The following SWAP70 variants were observed in gnomAD, a reference collection of about 807,000 sequenced individuals.
SWAP70 encodes switch-associated protein 70.
A neutral mutation model predicts 80.2 loss-of-function variants in SWAP70; 34 were observed. That is an observed-to-expected ratio of 0.42 (90% confidence interval 0.32 to 0.56). The LOEUF (loss-of-function observed/expected upper bound fraction) is 0.56. Among genes scored for constraint, SWAP70 ranks in the 20% least tolerant of loss-of-function variants. The pLI is 0.09. For missense variants in SWAP70, 578 were observed against 690.7 expected, an observed-to-expected ratio of 0.84 and a Z score of 1.83; for synonymous variants, 239 against 238.5, an observed-to-expected ratio of 1.00 and a Z score of -0.02.
intron 3 of SWAP70, among the ~76,000 whole-genome samples, chr11:9,722,438 G>A (rs1201924844): frequency 1.3e-5 from 2 of 152,232 alleles, no homozygotes; most frequent in Non-Finnish European, 2.9e-5. Context: ...GGTCAGAGCA[G>A]GTTTGCTAAA....
intron 5 of SWAP70, 50 bp from the exon 6 acceptor site, chr11:9,729,293 T>A: frequency 9.0e-7 from 1 of 1,106,992 alleles, no homozygotes; most frequent in Non-Finnish European, 1.3e-6. Flanking sequence ...AAATTGAATT[T>A]CATTTAAATA....
At chr11:9,700,755 G>T (rs1271206523) in intron 2 of SWAP70, among the ~76,000 whole-genome samples, 1 of 152,116 alleles carries the variant, frequency 6.6e-6, no homozygotes, top group Non-Finnish European at 1.5e-5. Flanking sequence ...TTGGATACAT[G>T]GGGGAAATAT....
At chr11:9,737,489 G>T (rs754013591) in intron 7 of SWAP70, among the ~76,000 whole-genome samples, 1 of 152,060 alleles carries the variant, frequency 6.6e-6, no homozygotes, top group African/African-American at 2.4e-5. Context: ...TTGGGGAAAG[G>T]GTCTGTGGAG....
At chr11:9,713,349 G>C in intron 2 of SWAP70, 117 bp from the exon 3 acceptor site, 1 of 1,029,162 alleles carries the variant, frequency 9.7e-7, no homozygotes, top group Non-Finnish European at 1.4e-6. Flanking sequence ...TATGGCTGTT[G>C]GTTAATTGGA....
At chr11:9,666,151 TC>T (rs1232856836) in intron 1 of SWAP70, among the ~76,000 whole-genome samples, 3 of 151,484 alleles carry the variant, frequency 2.0e-5, no homozygotes, top group African/African-American at 7.3e-5. Flanking sequence ...GGTGGTGTGA[TC>T]TCGGCTCACT....
At chr11:9,679,477 T>A (rs1458022313) in intron 1 of SWAP70, among the ~76,000 whole-genome samples, 1 of 152,188 alleles carries the variant, frequency 6.6e-6, no homozygotes, top group Non-Finnish European at 1.5e-5. Flanking sequence ...TTTAGCCTTC[T>A]AACTGAACCT....
At position 9,732,610 on chromosome 11, in the gene SWAP70, G is replaced by A. The variant is rs763528333; in HGVS notation, c.980G>A (p.Arg327Gln). Residue 327 changes from arginine (R) to glutamine (Q), a missense_variant, in exon 7 of 12, where the codon CGG becomes CAG. Arg to Gln is a conservative substitution (Grantham distance 43, BLOSUM62 1). Coordinates refer to ENST00000318950, the MANE Select transcript of SWAP70 (RefSeq NM_015055.4). ...KEARQRRKEL[R>Q]KKQLAEQEEL... ...GCCCGCCAGCGTCGGAAAGAACTCCGGAAGAAGCAGCTGGCTGAACAAGAG... is the reference window on the plus strand; with the variant it reads ...GCCCGCCAGCGTCGGAAAGAACTCCAGAAGAAGCAGCTGGCTGAACAAGAG... 26 of 1,597,660 alleles carry A rather than the reference G, an allele frequency of 1.6e-5. No homozygotes were observed. Among genetic ancestry groups the A allele is most frequent in the Admixed American group, 3.4e-5 (2 of 58,556 alleles).
chr11:9,667,536 G>A (rs777464435), intron 1 of SWAP70, among the ~76,000 whole-genome samples: 1 of 152,058 alleles, frequency 6.6e-6, no homozygotes, highest in Non-Finnish European at 1.5e-5. Flanking sequence ...TCAGATATGA[G>A]CCACCTTGTC....
chr11:9,664,119 G>C lies in SWAP70; in HGVS notation c.-61G>C. ...GCTGTGGCTGCGGAGGTTGAGGGGC[G>C]TCCGAGGCGCGGAGGGGCTGGCTGG... is the stretch of plus-strand genomic sequence containing the variant. On this transcript the variant is annotated 5_prime_UTR_variant, in exon 1 of 12. Transcript: ENST00000318950. 6.7e-7 allele frequency: 1 copy of C among 1,489,354 alleles called. No homozygotes were observed. The highest frequency in any genetic ancestry group is 9.0e-7 in the Non-Finnish European group (1 of 1,110,282). The allele number at this position is 1,489,354 out of a possible 1,614,324, so 92.3% of individuals were successfully genotyped here.
Position 9,664,133 on chromosome 11 carries a change from G to GGGGC in SWAP70, c.-46_-43dup, listed in dbSNP as rs765321406. Reference sequence around the variant, plus strand: ...GGTTGAGGGGCGTCCGAGGCGCGGAGGGGCTGGCTGGGCAGGAGGGGTTGG... The same window carrying GGGGC: ...GGTTGAGGGGCGTCCGAGGCGCGGAGGGGCGGGCTGGCTGGGCAGGAGGGGTTGG... On this transcript the variant is annotated 5_prime_UTR_variant, in exon 1 of 12. Transcript: ENST00000318950. The GGGGC allele has an allele frequency of 1.3e-5, 19 of 1,519,544 alleles. No individual in the cohort carries two copies. The Middle Eastern group carries it at 8.6e-4, about 69-fold the overall frequency. 94.1% of individuals were successfully genotyped at this position (1,519,544 alleles called of 1,614,324 possible).
Position 9,728,120 on chromosome 11 carries a change from A to G in SWAP70, c.710A>G (p.Asn237Ser), listed in dbSNP as rs776316716. ...GAAAGATGGTTTGTACTAAAACCCA[A>G]CATAATTTCTTACTATGTGAGTGAG... Reference protein sequence around the residue: ...WTERWFVLKPNIISYYVSEDL... With the variant: ...WTERWFVLKPSIISYYVSEDL... Residue 237 changes from asparagine (N) to serine (S), a missense_variant, in exon 5 of 12, where the codon AAC becomes AGC. Asn to Ser is a conservative substitution (Grantham distance 46). Coordinates refer to ENST00000318950, the MANE Select transcript of SWAP70 (RefSeq NM_015055.4). 7 of 1,613,202 alleles carry G rather than the reference A, an allele frequency of 4.3e-6. No homozygotes were observed. In the South Asian group the frequency reaches 4.4e-5, roughly 10 times the overall value.
chr11:9,685,980 A>C (rs1021477960), intron 1 of SWAP70, among the ~76,000 whole-genome samples: 1 of 152,200 alleles, frequency 6.6e-6, no homozygotes, highest in Non-Finnish European at 1.5e-5. Context: ...AAGTTTCAAC[A>C]TATGAATTTT....
intron 1 of SWAP70, among the ~76,000 whole-genome samples, chr11:9,671,917 A>T (rs1258680977): frequency 4.5e-5 from 5 of 109,900 alleles, no homozygotes; most frequent in African/African-American, 1.9e-4. Context: ...TATAATAATT[A>T]TAATATAATT....
chr11:9,738,192 G>T, intron 7 of SWAP70, 21 bp from the exon 8 acceptor site: 1 of 1,581,848 alleles, frequency 6.3e-7, no homozygotes, highest in Non-Finnish European at 8.6e-7. Flanking sequence ...CTTTTCTGTG[G>T]ATGGGTTTTT....
At chr11:9,715,696 A>G (rs1851057690) in intron 3 of SWAP70, among the ~76,000 whole-genome samples, 1 of 152,180 alleles carries the variant, frequency 6.6e-6, no homozygotes, top group Non-Finnish European at 1.5e-5. Flanking sequence ...ATCAGATCTC[A>G]TGAGACTTAT....
intron 1 of SWAP70, among the ~76,000 whole-genome samples, chr11:9,671,047 C>A (rs990101986): frequency 9.7e-5 from 14 of 144,480 alleles, no homozygotes; most frequent in Admixed American, 2.9e-4. Context: ...GCCACCATGC[C>A]CGGCCTATTA....
intron 6 of SWAP70, among the ~76,000 whole-genome samples, chr11:9,731,221 A>G (rs1449906884): frequency 6.6e-6 from 1 of 152,228 alleles, no homozygotes; most frequent in African/African-American, 2.4e-5. Context: ...AAAAATCCTG[A>G]AAGGAGATTC....
chr11:9,748,085 A>G (rs763396538), intron 10 of SWAP70, 29 bp downstream of exon 10: 16 of 1,596,892 alleles, frequency 1.0e-5, no homozygotes, highest in Admixed American at 5.1e-5. Flanking sequence ...GCAAACTTGT[A>G]TATTTAAATT....
rs145526080 is a variant in SWAP70 at position 9,713,955 on chromosome 11, A to G, written c.414+316A>G. 3.7e-3 allele frequency among the ~76,000 whole-genome samples: 560 copies of G among 152,354 alleles called. 6 individuals are homozygous for G. Among genetic ancestry groups the G allele is most frequent in the African/African-American group, 0.013 (540 of 41,586 alleles). On this transcript the variant is annotated intron_variant, in intron 3 of 11. Transcript: ENST00000318950. The stretch of plus-strand genomic sequence containing the variant: ...TTTTCATACTACTTGCATATTGACA[A>G]AACGTAACTGGCTGAGTGCTGGTAT...
Sources: allele counts gnomAD v4.1 joint callset (sites outside exome capture counted in the v4.1 genomes callset), GRCh38; gene constraint gnomAD v4.1.1; transcripts MANE v1.5; gene names NCBI Gene and HGNC (gene_info 2026-07-23, HGNC 2026-07-21).